Variants in MTOR observed in about 807,000 individuals in gnomAD.
The protein encoded by MTOR is mechanistic target of rapamycin kinase, also known as serine/threonine-protein kinase mTOR.
Under a neutral mutation model 319.8 loss-of-function variants are expected in MTOR, and 70 were observed. The ratio of observed to expected loss-of-function variants is 0.22; its 90% CI spans 0.18 to 0.27. The LOEUF (loss-of-function observed/expected upper bound fraction) is 0.27. Among genes scored for constraint, MTOR ranks in the 10% least tolerant of loss-of-function variants. The probability of loss-of-function intolerance (pLI) is 1.00; values close to 1 mark genes in which losing one functional copy is unlikely to be tolerated. For missense variants in MTOR, 1,890 were observed against 3,274.4 expected, an observed-to-expected ratio of 0.58 and a Z score of 10.32; for synonymous variants, 1,183 against 1,211.4, an observed-to-expected ratio of 0.98 and a Z score of 0.49.
At chr1:11,107,611 C>G (rs1228312525) in intron 57 of MTOR, 111 bp from the exon 58 acceptor site, 1 of 1,141,336 alleles carries the variant, frequency 8.8e-7, no homozygotes, top group African/African-American at 1.6e-5. Context: ...AGGGTATTCC[C>G]TGAGCTCTCC....
Position 11,216,160 on chromosome 1 carries a change from G to T in MTOR, c.3105C>A (p.Val1035=). 1.2e-6 allele frequency: 2 copies of T among 1,613,258 alleles called. No homozygotes were observed. The highest frequency in any genetic ancestry group is 1.7e-6 in the Non-Finnish European group (2 of 1,179,266). Residue 1035 remains valine, a synonymous_variant, in exon 20 of 58, where the codon GTC becomes GTA. Coordinates refer to ENST00000361445, the MANE Select transcript of MTOR (RefSeq NM_004958.4). Reference sequence around the variant, plus strand: ...AACTTCTACTCACTCTCATGAGGGTGACTATTTCATCCATATAAGGTCTGA... The same window carrying T: ...AACTTCTACTCACTCTCATGAGGGTTACTATTTCATCCATATAAGGTCTGA... The part of the protein sequence containing the change: ...SHIRPYMDEI[V]TLMREFWVMN...
chr1:11,152,343 G>A (rs948942629), intron 30 of MTOR: 5 of 152,284 alleles, frequency 3.3e-5, no homozygotes, highest in East Asian at 1.9e-4. Flanking sequence ...GGCAAAAAAC[G>A]CAGAAAGTGC....
chr1:11,113,034 AAGAGATGAC>A, intron 53 of MTOR, 117 bp from the exon 54 acceptor site: 3 of 1,055,658 alleles, frequency 2.8e-6, no homozygotes. Context: ...GCCCCAAAAA[AAGAGATGAC>A]AGACATATTA....
At chr1:11,234,112 G>A in intron 14 of MTOR, 31 bp downstream of exon 14, 1 of 1,613,976 alleles carries the variant, frequency 6.2e-7, no homozygotes, top group South Asian at 1.1e-5. Context: ...ACAACGCACA[G>A]AGAAAGCACC....
chr1:11,126,234 TAA>T (rs113648055), intron 46 of MTOR, among the ~76,000 whole-genome samples: 1 of 142,144 alleles, frequency 7.0e-6, no homozygotes, highest in Admixed American at 7.0e-5. Context: ...ACTATGATGG[TAA>T]AAAAAAAAAG....
intron 2 of MTOR, 80 bp from the exon 3 acceptor site, chr1:11,258,673 T>C: frequency 9.5e-7 from 1 of 1,057,994 alleles, no homozygotes; most frequent in African/African-American, 1.6e-5. Flanking sequence ...ATCTAAAGAT[T>C]AGATCCTGAG....
chr1:11,248,701 T>A (rs1649177462), intron 6 of MTOR, among the ~76,000 whole-genome samples: 1 of 151,966 alleles, frequency 6.6e-6, no homozygotes, highest in East Asian at 1.9e-4. Flanking sequence ...TAGTCCTGGC[T>A]ACTTGGGGGC....
chr1:11,210,829 G>C lies in MTOR; in HGVS notation c.3639C>G (p.Ile1213Met). The stretch of plus-strand genomic sequence containing the variant: ...TATAGTTCACCTTGACAATTCTGCA[G>C]ATGAGCACATCATAGCGCTGATGAT... ...RINHQRYDVL[I>M]CRIVKGYTLA... The change falls in exon 24 of 58, where the codon ATC becomes ATG. Residue 1213 changes from isoleucine to methionine, a missense_variant. Ile to Met is a conservative substitution (Grantham distance 10). Coordinates refer to ENST00000361445, the MANE Select transcript of MTOR (RefSeq NM_004958.4). 1 of 1,611,924 alleles carries C rather than the reference G, an allele frequency of 6.2e-7. No homozygotes were observed. Among genetic ancestry groups the C allele is most frequent in the Non-Finnish European group, 8.5e-7 (1 of 1,178,716 alleles).
intron 8 of MTOR, among the ~76,000 whole-genome samples, chr1:11,244,398 C>T (rs1648536604): frequency 6.6e-6 from 1 of 151,716 alleles, no homozygotes; most frequent in Non-Finnish European, 1.5e-5. Flanking sequence ...TTTGGGAGGC[C>T]AAGGCGGGTG....
chr1:11,199,177 T>C lies in MTOR; in HGVS notation c.4253+81A>G. The C allele has an allele frequency of 1.3e-6, 2 of 1,575,166 alleles. No individual in the cohort carries two copies. ...CACAGAGCAGAAGTCTTCAAGTGAC[T>C]CCAGTGAAGTGGCACCAGGCAGTGG... On this transcript the variant is annotated intron_variant, in intron 28 of 57. Transcript: ENST00000361445. The surrounding 1 kb of genome is among the most constrained non-coding windows in gnomAD (Gnocchi z 4.5).
chr1:11,155,345 G>A (rs1296995893), intron 30 of MTOR, among the ~76,000 whole-genome samples: 4 of 152,092 alleles, frequency 2.6e-5, no homozygotes, highest in East Asian at 3.9e-4. Context: ...TCCCTGTGAT[G>A]GGGGTCAGGA....
rs1202936095 is a variant in MTOR, at chr1:11,127,328, C to T, written c.6217-184G>A. 6.6e-6 allele frequency among the ~76,000 whole-genome samples: 1 copy of T among 152,216 alleles called. No individual in the cohort carries two copies. The highest frequency in any genetic ancestry group is 2.4e-5 in the African/African-American group (1 of 41,452). On this transcript the variant is annotated intron_variant, in intron 44 of 57. Transcript: ENST00000361445. This position sits in a 1 kb window ranked among gnomAD's most constrained non-coding sequence, Gnocchi z 5.5. Reference sequence around the variant, plus strand: ...AACCCTGGAGCTTCCAAACCAGCAGCATGGCTTATAGGGAAGGAAGGGTGA... The same window carrying T: ...AACCCTGGAGCTTCCAAACCAGCAGTATGGCTTATAGGGAAGGAAGGGTGA...
chr1:11,127,815 A>C lies in MTOR; in HGVS notation c.6034-9T>G, dbSNP rs770159176. On this transcript the variant is annotated splice_polypyrimidine_tract_variant and intron_variant, in intron 43 of 57. Transcript: ENST00000361445. This position sits in a 1 kb window ranked among gnomAD's most constrained non-coding sequence, Gnocchi z 5.5. ...ATCAGCTCCTCGCTCACCTGAAGCC[A>C]AGAGAAGAAGGAGAGAAGCATCAAG... 5 of 1,608,754 alleles carry C rather than the reference A, an allele frequency of 3.1e-6. No homozygotes were observed. Among genetic ancestry groups the C allele is most frequent in the Middle Eastern group, 1.7e-4 (1 of 6,020 alleles).
rs563944443 is a variant in MTOR at position 11,124,388 on chromosome 1, C to T, written c.6662+110G>A. The stretch of plus-strand genomic sequence containing the variant: ...CAGGCATGAGTTACCATGCCTGGCT[C>T]CCTAATTTTATAGTTTTTTGTTAAG... On this transcript the variant is annotated intron_variant, in intron 47 of 57. Coordinates refer to ENST00000361445, the MANE Select transcript of MTOR (RefSeq NM_004958.4). 3.9e-4 allele frequency: 539 copies of T among 1,397,360 alleles called. 9 individuals are homozygous for T. The South Asian group carries it at 6.4e-3, about 16-fold the overall frequency. The allele number at this position is 1,397,360 out of a possible 1,614,324, so 86.6% of individuals were successfully genotyped here.
intron 26 of MTOR, among the ~76,000 whole-genome samples, chr1:11,202,151 C>T (rs1414560449): frequency 6.6e-6 from 1 of 152,032 alleles, no homozygotes; most frequent in Non-Finnish European, 1.5e-5. Context: ...CTATTTAGGC[C>T]GGGCACAGTG....
chr1:11,219,694 G>A (rs1031823803), intron 19 of MTOR, among the ~76,000 whole-genome samples: 1 of 151,972 alleles, frequency 6.6e-6, no homozygotes, highest in Non-Finnish European at 1.5e-5. Context: ...AGAAGTATTC[G>A]ACAGAAAATT....
chr1:11,151,079 G>T (rs999280597), intron 30 of MTOR, among the ~76,000 whole-genome samples: 1 of 152,150 alleles, frequency 6.6e-6, no homozygotes, highest in Admixed American at 6.5e-5. Context: ...AGTTCTAAGT[G>T]GCCCAGGTCA....
At chr1:11,193,888 T>C (rs527437936) in intron 28 of MTOR, 3 of 1,125,784 alleles carry the variant, frequency 2.7e-6, no homozygotes, top group Non-Finnish European at 3.8e-6. Context: ...ATATTCATTG[T>C]GATGGTTTTC....
intron 15 of MTOR, 78 bp downstream of exon 15, chr1:11,233,320 A>T: frequency 7.5e-7 from 1 of 1,337,228 alleles, no homozygotes; most frequent in Non-Finnish European, 1.0e-6. Flanking sequence ...TAAAAAAAAA[A>T]ATAGTATTTT....
Sources: gnomAD v4.1 joint callset for allele counts (sites outside exome capture counted in the v4.1 genomes callset) on GRCh38, gnomAD v4.1.1 for gene constraint, Gnocchi (gnomAD v3.1) non-coding constraint, MANE v1.5 for transcripts, NCBI Gene and HGNC (gene_info 2026-07-23, HGNC 2026-07-21) for gene names.